Variants in TMEM135 observed in about 807,000 individuals in gnomAD.
TMEM135 encodes the protein peroxisomal membrane protein 52.
A neutral mutation model predicts 60.3 loss-of-function variants in TMEM135; 30 were observed. The observed-to-expected ratio is 0.50, with a 90% CI of 0.37 to 0.68. The LOEUF is 0.68. TMEM135 is among the 30% of genes least tolerant of loss of function. TMEM135 has a pLI of 0.00. For missense variants in TMEM135, 468 were observed against 548.8 expected, an observed-to-expected ratio of 0.85 and a Z score of 1.47; for synonymous variants, 190 against 186.7, an observed-to-expected ratio of 1.02 and a Z score of -0.14.
intron 1 of TMEM135, among the ~76,000 whole-genome samples, chr11:87,056,728 C>T (rs1257526388): frequency 1.3e-5 from 2 of 152,138 alleles, no homozygotes; most frequent in South Asian, 4.1e-4. Context: ...TTTCTCAAAT[C>T]ATCCTTCCTG....
At position 87,324,341 on chromosome 11, in the gene TMEM135, G is replaced by C; in HGVS notation, c.*3008G>C. 1 of 454,034 alleles carries C rather than the reference G, an allele frequency of 2.2e-6. No homozygotes were observed. The allele number at this position is 454,034 out of a possible 1,614,324, so 28.1% of individuals were successfully genotyped here. A position where few individuals can be genotyped will look rare whatever the true frequency, so the allele number is the denominator to read the frequency against. ...GCTTCTTGTGGGACTGAAGGGAACTGACCACTGGAGCAATGGCCCAAATGT... is the reference window on the plus strand; with the variant it reads ...GCTTCTTGTGGGACTGAAGGGAACTCACCACTGGAGCAATGGCCCAAATGT... On this transcript the variant is annotated 3_prime_UTR_variant, in exon 15 of 15. Coordinates refer to ENST00000305494, the MANE Select transcript of TMEM135 (RefSeq NM_022918.4).
At chr11:87,092,982 A>T (rs953974211) in intron 4 of TMEM135, among the ~76,000 whole-genome samples, 16 of 152,174 alleles carry the variant, frequency 1.1e-4, no homozygotes, top group African/African-American at 3.9e-4. Flanking sequence ...ATTCATGGTT[A>T]GTTCTGGAAT....
intron 6 of TMEM135, among the ~76,000 whole-genome samples, chr11:87,253,503 A>G (rs867606850): frequency 1.3e-5 from 2 of 151,304 alleles, no homozygotes; most frequent in African/African-American, 4.9e-5. Flanking sequence ...TCAGTGGAAA[A>G]CTCACACCAC....
chr11:87,113,772 T>C (rs1857811111), intron 4 of TMEM135, among the ~76,000 whole-genome samples: 1 of 152,060 alleles, frequency 6.6e-6, no homozygotes, highest in Admixed American at 6.5e-5. Context: ...CCAGACACTG[T>C]CTCTTACTGG....
At chr11:87,138,078 A>C (rs927545886) in intron 4 of TMEM135, among the ~76,000 whole-genome samples, 1 of 143,644 alleles carries the variant, frequency 7.0e-6, no homozygotes, top group African/African-American at 2.5e-5. Context: ...TAAAAAGACC[A>C]AGTTGATTTC....
At chr11:87,137,641 A>G (rs1211388569) in intron 4 of TMEM135, among the ~76,000 whole-genome samples, 1 of 150,054 alleles carries the variant, frequency 6.7e-6, no homozygotes, top group Non-Finnish European at 1.5e-5. Context: ...GTTTTGAAAC[A>G]TAGTTGAAGT....
At chr11:87,285,378 T>TA (rs1942144831) in intron 6 of TMEM135, among the ~76,000 whole-genome samples, 1 of 152,178 alleles carries the variant, frequency 6.6e-6, no homozygotes, top group Non-Finnish European at 1.5e-5. Flanking sequence ...CGGTGAGTGT[T>TA]ACAGTTCTTA....
intron 5 of TMEM135, among the ~76,000 whole-genome samples, chr11:87,230,208 T>A (rs1940860985): frequency 6.6e-6 from 1 of 152,142 alleles, no homozygotes; most frequent in African/African-American, 2.4e-5. Flanking sequence ...ATTAAGAATA[T>A]CATACATAAT....
chr11:87,314,272 C>A lies in TMEM135; in HGVS notation c.1001-199C>A, dbSNP rs78485976. Among the ~76,000 whole-genome samples the A allele has an allele frequency of 9.6e-3, 1,454 of 151,848 alleles. 8 individuals are homozygous for A. Among genetic ancestry groups the A allele is most frequent in the Non-Finnish European group, 0.014 (958 of 67,736 alleles). ...AAATCAGAACTGTTTATTTCTAACT[C>A]TGAATATCAATTTTTTAAATTTAAA... is the stretch of plus-strand genomic sequence containing the variant. On this transcript the variant is annotated intron_variant, in intron 11 of 14. Transcript: ENST00000305494.
In TMEM135 at chr11:87,290,145, T is replaced by TA. The variant is rs544980511; in HGVS notation, c.510-5630dup. ...AAATGAGTGAAAACTGAGTAGACAA[T>TA]AAAAAAATCTTAGAAATCAAAATAG... On this transcript the variant is annotated intron_variant, in intron 6 of 14. Transcript: ENST00000305494. Among the ~76,000 whole-genome samples the TA allele has an allele frequency of 1.4e-3, 183 of 132,234 alleles. 1 individual carries two copies. The highest frequency in any genetic ancestry group is 2.7e-3 in the Non-Finnish European group (150 of 54,796). 86.8% of individuals were successfully genotyped at this position (132,234 alleles called of 152,430 possible).
At chr11:87,216,387 G>A (rs1354078898) in intron 5 of TMEM135, among the ~76,000 whole-genome samples, 1 of 152,064 alleles carries the variant, frequency 6.6e-6, no homozygotes, top group African/African-American at 2.4e-5. Context: ...AAGTGCAGGG[G>A]AGAGGGTACA....
rs551169660 is a variant in TMEM135, at chr11:87,186,162, C to T, written c.462+28756C>T. On this transcript the variant is annotated intron_variant, in intron 5 of 14. Coordinates refer to ENST00000305494, the MANE Select transcript of TMEM135 (RefSeq NM_022918.4). ...CTTCATGATCTGCCCGCCTTGGCCT[C>T]CCAAAGTGCTGGGATTAAAGGCATG... Among the ~76,000 whole-genome samples the T allele has an allele frequency of 2.6e-5, 4 of 152,284 alleles. No homozygotes were observed. The South Asian group carries it at 8.3e-4, about 32-fold the overall frequency.
intron 14 of TMEM135, among the ~76,000 whole-genome samples, chr11:87,320,423 A>G (rs1411691408): frequency 1.3e-5 from 2 of 152,142 alleles, no homozygotes; most frequent in African/African-American, 4.8e-5. Context: ...AGTTTTACTA[A>G]TTGATTATTT....
chr11:87,103,226 CAT>C (rs1261189138), intron 4 of TMEM135, among the ~76,000 whole-genome samples: 1 of 152,114 alleles, frequency 6.6e-6, no homozygotes, highest in Non-Finnish European at 1.5e-5. Flanking sequence ...AGAGAAAAAT[CAT>C]ATGGTATTTT....
chr11:87,323,198 G>C lies in TMEM135; in HGVS notation c.*1865G>C, dbSNP rs760133424. On this transcript the variant is annotated 3_prime_UTR_variant, in exon 15 of 15. Transcript: ENST00000305494. ...TAGTAAAATTTTGCTGGTCAAAAAG[G>C]TGTATTTCTACAATTTACCTTTTCA... 3 of 453,820 alleles carry C rather than the reference G, an allele frequency of 6.6e-6. No homozygotes were observed. The highest frequency in any genetic ancestry group is 3.1e-5 in the South Asian group (2 of 64,342). 28.1% of individuals were successfully genotyped at this position (453,820 alleles called of 1,614,324 possible). A position where few individuals can be genotyped will look rare whatever the true frequency, so the allele number is the denominator to read the frequency against.
At chr11:87,082,615 A>G (rs1857014498) in intron 3 of TMEM135, among the ~76,000 whole-genome samples, 2 of 152,170 alleles carry the variant, frequency 1.3e-5, no homozygotes, top group Admixed American at 6.5e-5. Flanking sequence ...GTTTTCCTCT[A>G]ATAGGTGGTC....
intron 5 of TMEM135, among the ~76,000 whole-genome samples, chr11:87,163,014 CT>C (rs1938930669): frequency 7.8e-6 from 1 of 128,100 alleles, no homozygotes. Flanking sequence ...TTATAAATGT[CT>C]TCTTTTTTTT....
chr11:87,325,181 C>A lies in TMEM135; in HGVS notation c.*3848C>A. ...TCTAGGGCTTTGTAGTACTATGTTT[C>A]TGTTTAAAGTAGTGGCCTCAGGTGA... On this transcript the variant is annotated 3_prime_UTR_variant, in exon 15 of 15. Transcript: ENST00000305494. 2.2e-6 allele frequency: 1 copy of A among 453,974 alleles called. No homozygotes were observed. Among genetic ancestry groups the A allele is most frequent in the Non-Finnish European group, 4.4e-6 (1 of 226,772 alleles). 28.1% of individuals were successfully genotyped at this position (453,974 alleles called of 1,614,324 possible). A position where few individuals can be genotyped will look rare whatever the true frequency, so the allele number is the denominator to read the frequency against.
chr11:87,063,254 A>C (rs1271370476), intron 1 of TMEM135, among the ~76,000 whole-genome samples: 1 of 152,198 alleles, frequency 6.6e-6, no homozygotes. Context: ...TAGTCTTCTA[A>C]AACCAGGTCA....
Sources: allele counts gnomAD v4.1 joint callset (sites outside exome capture counted in the v4.1 genomes callset), GRCh38; gene constraint gnomAD v4.1.1; transcripts MANE v1.5; gene names NCBI Gene and HGNC (gene_info 2026-07-23, HGNC 2026-07-21).